Variants in STK3 observed in about 807,000 individuals in gnomAD.
STK3 encodes serine/threonine-protein kinase 3.
A neutral mutation model predicts 58.0 loss-of-function variants in STK3; 41 were observed. That is an observed-to-expected ratio of 0.71 (90% CI 0.55 to 0.92). The LOEUF (loss-of-function observed/expected upper bound fraction) is 0.92, where lower values mean the gene tolerates loss of function less well. Among genes scored for constraint, STK3 ranks in the 40% least tolerant of loss-of-function variants. STK3 has a pLI of 0.00. For missense variants in STK3, 479 were observed against 602.7 expected (o/e 0.79, Z 2.15); for synonymous variants, 170 against 191.0 (o/e 0.89, Z 0.91).
At chr8:98,448,919 G>A (rs1366097342) in intron 1 of STK3, among the ~76,000 whole-genome samples, 1 of 152,010 alleles carries the variant, frequency 6.6e-6, no homozygotes, top group Admixed American at 6.6e-5. Flanking sequence ...GAATTGAATA[G>A]TAAAAATGGA....
intron 10 of STK3, among the ~76,000 whole-genome samples, chr8:98,468,189 G>A (rs187188867): frequency 3.0e-4 from 46 of 152,272 alleles, no homozygotes; most frequent in African/African-American, 1.1e-3. Context: ...CTCAAAATAT[G>A]CCAAAATGTT....
At chr8:98,469,189 A>T (rs1820718700) in intron 10 of STK3, among the ~76,000 whole-genome samples, 1 of 151,102 alleles carries the variant, frequency 6.6e-6, no homozygotes, top group Non-Finnish European at 1.5e-5. Flanking sequence ...CATTGATTAC[A>T]AACTAAAATT....
intron 1 of STK3, among the ~76,000 whole-genome samples, chr8:98,448,807 T>C (rs1234553563): frequency 2.6e-5 from 4 of 152,220 alleles, no homozygotes; most frequent in Non-Finnish European, 4.4e-5. Flanking sequence ...TAATTTTTGG[T>C]TAAAATGTCA....
intron 10 of STK3, among the ~76,000 whole-genome samples, chr8:98,503,504 T>G (rs1261675261): frequency 6.6e-6 from 1 of 152,244 alleles, no homozygotes; most frequent in Non-Finnish European, 1.5e-5. Context: ...AGGGTGTTGA[T>G]TTTAGATCGT....
intron 6 of STK3, among the ~76,000 whole-genome samples, chr8:98,614,628 G>T (rs541985459): frequency 6.6e-6 from 1 of 152,212 alleles, no homozygotes; most frequent in African/African-American, 2.4e-5. Context: ...GAAGCAGGGC[G>T]AGGCATTGCC....
At chr8:98,898,050 AT>A (rs1299051792) in intron 1 of STK3, among the ~76,000 whole-genome samples, 1 of 152,186 alleles carries the variant, frequency 6.6e-6, no homozygotes, top group African/African-American at 2.4e-5. Flanking sequence ...ACTTGATTAT[AT>A]TATTTCTGAG....
chr8:98,587,000 T>A (rs1204364994), intron 7 of STK3, among the ~76,000 whole-genome samples: 10 of 152,132 alleles, frequency 6.6e-5, no homozygotes, highest in African/African-American at 2.2e-4. Context: ...TTTTCTTTAT[T>A]AGTCTTGCTA....
intron 10 of STK3, among the ~76,000 whole-genome samples, chr8:98,476,591 T>C (rs1439332135): frequency 6.6e-6 from 1 of 152,198 alleles, no homozygotes; most frequent in Non-Finnish European, 1.5e-5. Context: ...TTGACAATCA[T>C]GTTATAAAAT....
chr8:98,530,166 C>T (rs955308196), intron 9 of STK3, among the ~76,000 whole-genome samples: 4 of 152,068 alleles, frequency 2.6e-5, no homozygotes, highest in African/African-American at 9.7e-5. Context: ...TTAAAAATTT[C>T]TTTTTAACTT....
intron 10 of STK3, among the ~76,000 whole-genome samples, chr8:98,506,121 C>A (rs1033053921): frequency 6.6e-6 from 1 of 152,260 alleles, no homozygotes; most frequent in African/African-American, 2.4e-5. Flanking sequence ...GCCCCTCCCC[C>A]TGCCAGGTTG....
intron 1 of STK3, among the ~76,000 whole-genome samples, chr8:98,901,176 T>C (rs533991233): frequency 1.3e-5 from 2 of 152,312 alleles, no homozygotes; most frequent in South Asian, 2.1e-4. Flanking sequence ...TATCACCACA[T>C]GACTTTAGGA....
intron 6 of STK3, among the ~76,000 whole-genome samples, chr8:98,625,569 T>G (rs143136606): frequency 1.4e-4 from 21 of 152,150 alleles, no homozygotes; most frequent in Middle Eastern, 3.4e-3. Flanking sequence ...CTATCTCAGT[T>G]TAACAAGGGA....
chr8:98,816,868 T>C (rs1834583120), intron 1 of STK3, among the ~76,000 whole-genome samples: 1 of 152,142 alleles, frequency 6.6e-6, no homozygotes, highest in Non-Finnish European at 1.5e-5. Flanking sequence ...AAGACTAACC[T>C]ACAGTATCTA....
At chr8:98,449,170 T>C (rs922088356) in intron 1 of STK3, among the ~76,000 whole-genome samples, 6 of 152,174 alleles carry the variant, frequency 3.9e-5, no homozygotes, top group Admixed American at 2.6e-4. Context: ...ATTCTAGAGT[T>C]CCCTTTCCTC....
At chr8:98,524,746 G>C (rs1825624003) in intron 10 of STK3, among the ~76,000 whole-genome samples, 1 of 152,214 alleles carries the variant, frequency 6.6e-6, no homozygotes, top group African/African-American at 2.4e-5. Flanking sequence ...CCAATAGTTA[G>C]CACAATTGCC....
downstream of STK3, among the ~76,000 whole-genome samples, chr8:98,396,794 G>A (rs1731791813): frequency 6.6e-6 from 1 of 152,224 alleles, no homozygotes; most frequent in Admixed American, 6.5e-5. Context: ...CTGGTGTGCA[G>A]TTCTGATGAC....
chr8:98,741,933 T>C (rs1379052694), intron 4 of STK3, among the ~76,000 whole-genome samples: 4 of 151,962 alleles, frequency 2.6e-5, no homozygotes, highest in South Asian at 4.2e-4. Context: ...CAAACTACCA[T>C]CAGAGAATAC....
chr8:98,932,103 G>C (rs888014502), intron 1 of STK3, among the ~76,000 whole-genome samples: 2 of 152,184 alleles, frequency 1.3e-5, no homozygotes, highest in African/African-American at 4.8e-5. Context: ...ATAATTAACA[G>C]TGGAAAATGG....
chr8:98,736,251 G>C (rs1452809432), intron 4 of STK3, among the ~76,000 whole-genome samples: 1 of 152,088 alleles, frequency 6.6e-6, no homozygotes, highest in Admixed American at 6.6e-5. Context: ...TCAAATAAGA[G>C]GTAACATTTT....
Sources: gnomAD v4.1 joint callset for allele counts (sites outside exome capture counted in the v4.1 genomes callset) on GRCh38, gnomAD v4.1.1 for gene constraint, MANE v1.5 for transcripts, NCBI Gene and HGNC (gene_info 2026-07-23, HGNC 2026-07-21) for gene names.